Variants in EXTL3 observed in about 807,000 individuals in gnomAD.
The protein encoded by EXTL3 is exostosin-like 3.
In EXTL3, 27 loss-of-function variants were observed where a neutral mutation model predicts 69.3. The ratio of observed to expected loss-of-function variants is 0.39; its 90% confidence interval spans 0.29 to 0.54. The LOEUF (loss-of-function observed/expected upper bound fraction) is 0.54. Ranked by LOEUF, EXTL3 falls within the 20% of genes least tolerant of loss-of-function variation. The pLI, the probability that EXTL3 is intolerant of heterozygous loss-of-function variation, is 0.69. For missense variants in EXTL3, 1,003 were observed against 1,231.8 expected, an observed-to-expected ratio of 0.81 and a Z score of 2.78; for synonymous variants, 511 against 499.4, an observed-to-expected ratio of 1.02 and a Z score of -0.31.
intron 6 of EXTL3, among the ~76,000 whole-genome samples, chr8:28,745,060 A>G (rs1346956800): frequency 6.6e-6 from 1 of 152,030 alleles, no homozygotes; most frequent in Non-Finnish European, 1.5e-5. Context: ...AGCTGGGTGT[A>G]GTGGCACATG....
Position 28,754,863 on chromosome 8 carries a change from G to C in EXTL3, c.*3997G>C, listed in dbSNP as rs1454237290. On this transcript the variant is annotated 3_prime_UTR_variant, in exon 7 of 7. Transcript: ENST00000220562. ...GGAGGATCACATGAGGCCAGTTCAA[G>C]ACCAGTCTGGGCAACATAGCAAGAC... is the stretch of plus-strand genomic sequence containing the variant. The C allele has an allele frequency of 6.6e-6, 1 of 152,230 alleles. No individual in the cohort carries two copies. Among genetic ancestry groups the C allele is most frequent in the Non-Finnish European group, 1.5e-5 (1 of 68,110 alleles). The allele number at this position is 152,230 out of a possible 1,614,324, so 9.4% of individuals were successfully genotyped here.
intron 4 of EXTL3, among the ~76,000 whole-genome samples, chr8:28,736,109 T>C (rs1801647461): frequency 6.6e-6 from 1 of 152,172 alleles, no homozygotes; most frequent in Non-Finnish European, 1.5e-5. Context: ...ATGTCCGTAA[T>C]GCCACTGAAC....
intron 1 of EXTL3, among the ~76,000 whole-genome samples, chr8:28,639,534 G>A (rs187397551): frequency 7.2e-5 from 11 of 152,266 alleles, no homozygotes; most frequent in Admixed American, 7.2e-4. Context: ...TTTTCTGAAA[G>A]GTGCTGCCTG....
At chr8:28,688,373 C>T (rs1190920196) in intron 1 of EXTL3, among the ~76,000 whole-genome samples, 6 of 152,068 alleles carry the variant, frequency 3.9e-5, no homozygotes, top group African/African-American at 9.7e-5. Context: ...CCTGAGATGA[C>T]TCAAGAATTT....
At chr8:28,624,180 G>T (rs1265618162) in intron 1 of EXTL3, among the ~76,000 whole-genome samples, 1 of 152,180 alleles carries the variant, frequency 6.6e-6, no homozygotes, top group East Asian at 1.9e-4. Flanking sequence ...TGAGTACTTT[G>T]CTCTGGAATT....
chr8:28,724,499 G>A (rs1424863411), intron 3 of EXTL3, among the ~76,000 whole-genome samples: 1 of 152,038 alleles, frequency 6.6e-6, no homozygotes, highest in African/African-American at 2.4e-5. Context: ...TGGGTGTGGT[G>A]GCTCACGCCT....
At chr8:28,619,259 T>C (rs1806371355), upstream of EXTL3, among the ~76,000 whole-genome samples, 1 of 73,136 alleles carries the variant, frequency 1.4e-5, no homozygotes, top group Non-Finnish European at 2.5e-5. Flanking sequence ...AGAAATTAGC[T>C]TAGTGATAAA....
At position 28,718,135 on chromosome 8, in the gene EXTL3, C is replaced by T. The variant is rs776600684; in HGVS notation, c.2076C>T (p.Val692=). The change falls in exon 3 of 7, where the codon GTC becomes GTT. Residue 692 remains valine, a synonymous_variant. Transcript: ENST00000220562. ...ATGGCCTCCCTTACCTGAACAAGGT[C>T]GTGGTGGTGTGGAATTCTCCCAAGC... ...RLNGLPYLNK[V]VVVWNSPKLP... is the part of the protein sequence containing the mutation. The T allele has an allele frequency of 7.4e-5, 120 of 1,613,988 alleles. No homozygotes were observed. Among genetic ancestry groups the T allele is most frequent in the Non-Finnish European group, 9.7e-5 (115 of 1,180,026 alleles).
At chr8:28,706,602 AG>A (rs1346728985) in intron 1 of EXTL3, among the ~76,000 whole-genome samples, 1 of 152,234 alleles carries the variant, frequency 6.6e-6, no homozygotes, top group Non-Finnish European at 1.5e-5. Flanking sequence ...GATCCTGCTT[AG>A]CACCAGATAT....
chr8:28,666,924 C>T (rs554633485), intron 1 of EXTL3, among the ~76,000 whole-genome samples: 2 of 152,284 alleles, frequency 1.3e-5, no homozygotes, highest in African/African-American at 4.8e-5. Context: ...CTCCTGCCTT[C>T]GACTCCCTGG....
chr8:28,714,628 G>C (rs528143808), intron 2 of EXTL3, among the ~76,000 whole-genome samples: 27 of 152,346 alleles, frequency 1.8e-4, no homozygotes, highest in East Asian at 1.3e-3. Context: ...ATTAAAAAAA[G>C]AAACCGGGAA....
In EXTL3 at chr8:28,635,715, C is replaced by CCACACACA. The variant is rs146671194; in HGVS notation, c.-53+12927_-53+12934dup. ...AACATAGTGAGACCCCCCCACAACTCCACACACACACACACACACACACAC... is the reference window on the plus strand; with the variant it reads ...AACATAGTGAGACCCCCCCACAACTCCACACACACACACACACACACACACACACACAC... On this transcript the variant is annotated intron_variant, in intron 1 of 6. Coordinates refer to the EXTL3 transcript ENST00000523149. 7.8e-4 allele frequency among the ~76,000 whole-genome samples: 111 copies of CCACACACA among 142,820 alleles called. 1 individual carries two copies. The highest frequency in any genetic ancestry group is 5.4e-3 in the Admixed American group (75 of 13,884). 93.7% of individuals were successfully genotyped at this position (142,820 alleles called of 152,430 possible).
At chr8:28,614,083 G>A (rs1476626323) in intron 2 of EXTL3, among the ~76,000 whole-genome samples, 3 of 151,744 alleles carry the variant, frequency 2.0e-5, no homozygotes, top group Non-Finnish European at 4.4e-5. Context: ...TTCCTGCCTC[G>A]GTCTCCTGAT....
At chr8:28,681,514 T>C (rs1807489777) in intron 1 of EXTL3, among the ~76,000 whole-genome samples, 1 of 151,864 alleles carries the variant, frequency 6.6e-6, no homozygotes, top group African/African-American at 2.4e-5. Flanking sequence ...CGAGACTCTG[T>C]CTCAAAAAAT....
At chr8:28,611,952 C>G (rs1041199596) in intron 2 of EXTL3, among the ~76,000 whole-genome samples, 1 of 152,300 alleles carries the variant, frequency 6.6e-6, no homozygotes, top group South Asian at 2.1e-4. Context: ...CTAGGCTTTG[C>G]CAACAGCAAA....
Position 28,750,933 on chromosome 8 carries a change from A to G in EXTL3, c.*67A>G, listed in dbSNP as rs1801990925. ...AAGATGGCTCCCAAGGTTCCTAGGC[A>G]TTGCAGGACCTTGGGCACATCTGCT... On this transcript the variant is annotated 3_prime_UTR_variant, in exon 7 of 7. Transcript: ENST00000220562. The surrounding 1 kb of genome is among the most constrained non-coding windows in gnomAD (Gnocchi z 5.2). 2 of 1,419,968 alleles carry G rather than the reference A, an allele frequency of 1.4e-6. No individual in the cohort carries two copies. Among genetic ancestry groups the G allele is most frequent in the Admixed American group, 3.4e-5 (2 of 58,684 alleles). The allele number at this position is 1,419,968 out of a possible 1,614,324, so 88.0% of individuals were successfully genotyped here.
At chr8:28,618,552 G>T (rs946783818), upstream of EXTL3, among the ~76,000 whole-genome samples, 47 of 152,284 alleles carry the variant, frequency 3.1e-4, no homozygotes, top group African/African-American at 1.1e-3. Flanking sequence ...GAAGCCTCAC[G>T]TCCGGCACGA....
rs1028435384 is a variant in EXTL3 at position 28,719,783 on chromosome 8, C to T, written c.2148+1576C>T. The stretch of plus-strand genomic sequence containing the variant: ...TCAAATAGTAGAATAATAGAGCAGC[C>T]ATTGTTTTCCATTTTTCCTGAGTTT... On this transcript the variant is annotated intron_variant, in intron 3 of 6. Transcript: ENST00000220562. Among the ~76,000 whole-genome samples the T allele has an allele frequency of 3.3e-5, 5 of 152,186 alleles. 1 individual carries two copies. In the South Asian group the frequency reaches 6.2e-4, roughly 19 times the overall value.
At chr8:28,734,158 A>G (rs963909566) in intron 4 of EXTL3, among the ~76,000 whole-genome samples, 6 of 152,144 alleles carry the variant, frequency 3.9e-5, no homozygotes, top group African/African-American at 1.4e-4. Context: ...AGTTCTTTAT[A>G]TATTCTAGAT....
Sources: gnomAD v4.1 joint callset for allele counts (sites outside exome capture counted in the v4.1 genomes callset) on GRCh38, gnomAD v4.1.1 for gene constraint, Gnocchi (gnomAD v3.1) non-coding constraint, MANE v1.5 for transcripts, NCBI Gene and HGNC (gene_info 2026-07-23, HGNC 2026-07-21) for gene names.